The following AGAP1 variants were observed in gnomAD, a reference collection of about 807,000 sequenced individuals.
The protein encoded by AGAP1 is ArfGAP with GTPase domain, ankyrin repeat and PH domain 1, also known as arf-GAP with GTPase, ANK repeat and PH domain-containing protein 1.
AGAP1 carries 29 observed loss-of-function variants against 105.3 expected under a neutral mutation model. The ratio of observed to expected loss-of-function variants is 0.28; its 90% CI spans 0.21 to 0.38. The LOEUF (loss-of-function observed/expected upper bound fraction) is 0.38, where lower values mean the gene tolerates loss of function less well. Ranked by LOEUF, AGAP1 falls within the 10% of genes least tolerant of loss-of-function variation. AGAP1 has a pLI of 1.00. For synonymous variants in AGAP1, 509 were observed against 485.9 expected (o/e 1.05, Z -0.63); for missense variants, 998 against 1,165.1 (o/e 0.86, Z 2.09).
At position 235,691,840 on chromosome 2, in the gene AGAP1, T is replaced by A. The variant is rs1949747557; in HGVS notation, c.164-17339T>A. On this transcript the variant is annotated intron_variant, in intron 1 of 17. Transcript: ENST00000304032. The surrounding 1 kb of genome is among the most constrained non-coding windows in gnomAD (Gnocchi z 4.4). ...GAGAAAGTACTGGATAGGGATGAGC[T>A]TGGGGACAATGGCCAGTGACATCCA... is the stretch of plus-strand genomic sequence containing the variant. Among the ~76,000 whole-genome samples the A allele has an allele frequency of 6.6e-6, 1 of 152,188 alleles. No individual in the cohort carries two copies. The highest frequency in any genetic ancestry group is 2.4e-5 in the African/African-American group (1 of 41,440).
chr2:236,098,966 T>C (rs2059266888), intron 16 of AGAP1, among the ~76,000 whole-genome samples: 1 of 151,862 alleles, frequency 6.6e-6, no homozygotes, highest in South Asian at 2.1e-4. Flanking sequence ...GCGTAAGGAC[T>C]AGATCCTTAC....
At chr2:236,010,891 C>G (rs2056486843) in intron 13 of AGAP1, among the ~76,000 whole-genome samples, 2 of 151,986 alleles carry the variant, frequency 1.3e-5, no homozygotes, top group African/African-American at 4.8e-5. Context: ...TAAAAAAGTA[C>G]AAAAAATTAG....
Position 236,078,532 on chromosome 2 carries a change from C to T in AGAP1, c.2114+29251C>T, listed in dbSNP as rs548961160. Among the ~76,000 whole-genome samples the T allele has an allele frequency of 9.3e-4, 142 of 152,288 alleles. No individual in the cohort carries two copies. Among genetic ancestry groups the T allele is most frequent in the African/African-American group, 3.2e-3 (135 of 41,556 alleles). On this transcript the variant is annotated intron_variant, in intron 16 of 17. Coordinates refer to ENST00000304032, the MANE Select transcript of AGAP1 (RefSeq NM_001037131.3). The surrounding 1 kb of genome is among the most constrained non-coding windows in gnomAD (Gnocchi z 5.3). ...TGGAGAATTCCTTCCCAGCAAAAGC[C>T]GCACGCTGCTTCTCCCAGAGGGGTG...
chr2:235,756,157 G>T (rs1189605744), intron 6 of AGAP1, among the ~76,000 whole-genome samples: 2 of 152,122 alleles, frequency 1.3e-5, no homozygotes, highest in African/African-American at 2.4e-5. Flanking sequence ...GTAAATTTTA[G>T]CCTGTCTTCA....
intron 1 of AGAP1, among the ~76,000 whole-genome samples, chr2:235,694,189 C>T (rs1949882071): frequency 6.7e-6 from 1 of 148,568 alleles, no homozygotes; most frequent in South Asian, 2.1e-4. Flanking sequence ...ACTAAAAATA[C>T]AAAAATTTGG....
At chr2:235,540,433 G>A (rs904126643) in intron 1 of AGAP1, among the ~76,000 whole-genome samples, 14 of 152,178 alleles carry the variant, frequency 9.2e-5, no homozygotes, top group African/African-American at 3.1e-4. Flanking sequence ...GATTACAGGC[G>A]TGAGCCATCG....
Position 235,599,340 on chromosome 2 carries a change from G to A in AGAP1, c.163+104491G>A, listed in dbSNP as rs1383583885. On this transcript the variant is annotated intron_variant, in intron 1 of 17. Transcript: ENST00000304032. The surrounding 1 kb of genome is among the most constrained non-coding windows in gnomAD (Gnocchi z 5.3). ...CTTCCTGCCCCAATTTTGCCCAGGA[G>A]GAGTCTGGTGATGGAGAAGGTGTGG... Among the ~76,000 whole-genome samples the A allele has an allele frequency of 3.3e-5, 5 of 152,084 alleles. No homozygotes were observed. In the South Asian group the frequency reaches 8.3e-4, roughly 25 times the overall value.
chr2:235,772,723 C>T (rs1955555611), intron 6 of AGAP1, among the ~76,000 whole-genome samples: 1 of 152,234 alleles, frequency 6.6e-6, no homozygotes, highest in African/African-American at 2.4e-5. Context: ...TTCATTGTCA[C>T]AGGACTGAGC....
chr2:236,015,585 G>A (rs1458937025), intron 13 of AGAP1, among the ~76,000 whole-genome samples: 2 of 152,104 alleles, frequency 1.3e-5, no homozygotes, highest in Non-Finnish European at 1.5e-5. Flanking sequence ...AAATGTCAAG[G>A]GTCGGAATTA....
chr2:235,509,649 T>C (rs1465047238), intron 1 of AGAP1, among the ~76,000 whole-genome samples: 2 of 152,066 alleles, frequency 1.3e-5, no homozygotes, highest in African/African-American at 2.4e-5. Context: ...ACCCCAACAC[T>C]TCCTCATGCC....
chr2:235,639,865 C>T lies in AGAP1; in HGVS notation c.164-69314C>T, dbSNP rs997851906. ...TATTTGCAACGTCTTGAGGGGTCCACGGATTGATAGAGTCAGCAGGGATGG... is the reference window on the plus strand; with the variant it reads ...TATTTGCAACGTCTTGAGGGGTCCATGGATTGATAGAGTCAGCAGGGATGG... On this transcript the variant is annotated intron_variant, in intron 1 of 17. Transcript: ENST00000304032. The surrounding 1 kb of genome is among the most constrained non-coding windows in gnomAD (Gnocchi z 5.3). 3.3e-5 allele frequency among the ~76,000 whole-genome samples: 5 copies of T among 152,170 alleles called. No homozygotes were observed. The highest frequency in any genetic ancestry group is 1.3e-4 in the Admixed American group (2 of 15,286).
At chr2:235,670,939 C>A in intron 1 of AGAP1, 1 of 1,319,296 alleles carries the variant, frequency 7.6e-7, no homozygotes, top group Non-Finnish European at 9.6e-7. Flanking sequence ...GGGGCCCGGG[C>A]GGCGGGCCCT....
chr2:235,654,887 A>G (rs923608022), intron 1 of AGAP1, among the ~76,000 whole-genome samples: 1 of 152,234 alleles, frequency 6.6e-6, no homozygotes, highest in African/African-American at 2.4e-5. Context: ...GAGCAAGATT[A>G]AACAATTATA....
Position 235,970,620 on chromosome 2 carries a change from T to C in AGAP1, c.1645+1997T>C, listed in dbSNP as rs2054603577. Among the ~76,000 whole-genome samples, 1 of 152,230 alleles carries C rather than the reference T, an allele frequency of 6.6e-6. No homozygotes were observed. Among genetic ancestry groups the C allele is most frequent in the African/African-American group, 2.4e-5 (1 of 41,462 alleles). On this transcript the variant is annotated intron_variant, in intron 13 of 17. Coordinates refer to ENST00000304032, the MANE Select transcript of AGAP1 (RefSeq NM_001037131.3). This position sits in a 1 kb window ranked among gnomAD's most constrained non-coding sequence, Gnocchi z 5.4. Reference sequence around the variant, plus strand: ...AACCGAGGTCTGTGGTTTTTTCTTATGCACAACCTGGTGGGAACTGACCGT... The same window carrying C: ...AACCGAGGTCTGTGGTTTTTTCTTACGCACAACCTGGTGGGAACTGACCGT...
chr2:235,773,270 T>C (rs1955598837), intron 6 of AGAP1, among the ~76,000 whole-genome samples: 1 of 152,220 alleles, frequency 6.6e-6, no homozygotes, highest in African/African-American at 2.4e-5. Flanking sequence ...TCAGTCTGAT[T>C]TGTTGCAGAA....
rs904821786 is a variant in AGAP1 at position 235,879,063 on chromosome 2, C to G, written c.1051-4282C>G. ...ACAGGAGACTTTGGCAGCCCAGCAG[C>G]CCAGTGTCCTGGCAGGAGTGAAGAC... On this transcript the variant is annotated intron_variant, in intron 9 of 17. Coordinates refer to ENST00000304032, the MANE Select transcript of AGAP1 (RefSeq NM_001037131.3). This position sits in a 1 kb window ranked among gnomAD's most constrained non-coding sequence, Gnocchi z 5.0. 1.3e-5 allele frequency among the ~76,000 whole-genome samples: 2 copies of G among 152,236 alleles called. No individual in the cohort carries two copies. The highest frequency in any genetic ancestry group is 2.9e-5 in the Non-Finnish European group (2 of 68,042).
intron 6 of AGAP1, among the ~76,000 whole-genome samples, chr2:235,768,176 T>C (rs1256957849): frequency 6.6e-6 from 1 of 152,222 alleles, no homozygotes; most frequent in African/African-American, 2.4e-5. Context: ...AGTTTTTCGT[T>C]TGTTTATTGT....
chr2:236,015,566 T>A (rs1479876443), intron 13 of AGAP1, among the ~76,000 whole-genome samples: 1 of 152,056 alleles, frequency 6.6e-6, no homozygotes. Flanking sequence ...CCTTTTTTTT[T>A]ATGATTACAA....
At chr2:235,532,621 A>C (rs184112818) in intron 1 of AGAP1, among the ~76,000 whole-genome samples, 89 of 152,328 alleles carry the variant, frequency 5.8e-4, no homozygotes, top group Non-Finnish European at 1.1e-3. Context: ...GTCTTTTTAA[A>C]TGTTTGCTTG....
Sources: gnomAD v4.1 joint callset for allele counts (sites outside exome capture counted in the v4.1 genomes callset) on GRCh38, gnomAD v4.1.1 for gene constraint, Gnocchi (gnomAD v3.1) non-coding constraint, MANE v1.5 for transcripts, NCBI Gene and HGNC (gene_info 2026-07-23, HGNC 2026-07-21) for gene names.